Variants in SPTLC1 observed in about 807,000 individuals in gnomAD.
The protein encoded by SPTLC1 is serine palmitoyltransferase long chain base subunit 1, also known as serine palmitoyltransferase 1.
Under a neutral mutation model 68.9 loss-of-function variants are expected in SPTLC1, and 55 were observed. That is an observed-to-expected ratio of 0.80 (90% CI 0.64 to 1.00). The LOEUF is 1.00. Among genes scored for constraint, SPTLC1 ranks in the 50% least tolerant of loss-of-function variants. The probability of loss-of-function intolerance (pLI) is 0.00; values close to 1 mark genes in which losing one functional copy is unlikely to be tolerated. For synonymous variants in SPTLC1, 197 were observed against 201.6 expected (o/e 0.98, Z 0.19); for missense variants, 449 against 573.1 (o/e 0.78, Z 2.21).
At chr9:92,052,858 A>G (rs941416179) in intron 8 of SPTLC1, among the ~76,000 whole-genome samples, 3 of 152,108 alleles carry the variant, frequency 2.0e-5, no homozygotes, top group African/African-American at 4.8e-5. Flanking sequence ...TTAAAATAAA[A>G]CACAAAAGCA....
chr9:92,081,034 T>C lies in SPTLC1; in HGVS notation c.261-71A>G, dbSNP rs1587954983. On this transcript the variant is annotated intron_variant, in intron 3 of 14. Coordinates refer to ENST00000262554, the MANE Select transcript of SPTLC1 (RefSeq NM_006415.4). ...ACATGCTATCATATTACCTTGGTGG[T>C]AGGCACAACAACATAGTGTTGTCAT... is the stretch of plus-strand genomic sequence containing the variant. 6 of 1,176,398 alleles carry C rather than the reference T, an allele frequency of 5.1e-6. No individual in the cohort carries two copies. The East Asian group carries it at 1.4e-4, about 28-fold the overall frequency. The allele number at this position is 1,176,398 out of a possible 1,614,324, so 72.9% of individuals were successfully genotyped here.
At chr9:92,034,578 A>C (rs1207449644) in intron 14 of SPTLC1, among the ~76,000 whole-genome samples, 1 of 152,170 alleles carries the variant, frequency 6.6e-6, no homozygotes, top group Admixed American at 6.5e-5. Context: ...CTGGGCTCCC[A>C]GACATTTCTC....
intron 6 of SPTLC1, among the ~76,000 whole-genome samples, chr9:92,065,732 T>C (rs1416037272): frequency 6.6e-6 from 1 of 152,196 alleles, no homozygotes; most frequent in African/African-American, 2.4e-5. Context: ...GATGAGTCTT[T>C]CACATTATTT....
intron 4 of SPTLC1, 24 bp from the exon 5 acceptor site, chr9:92,080,112 A>ACTTTAAT: frequency 6.3e-7 from 1 of 1,585,522 alleles, no homozygotes; most frequent in East Asian, 2.2e-5. Context: ...CAAGAATTAT[A>ACTTTAAT]CTTTAATAAT....
chr9:92,046,104 T>A, intron 11 of SPTLC1, 51 bp from the exon 12 acceptor site: 1 of 1,452,242 alleles, frequency 6.9e-7, no homozygotes, highest in Non-Finnish European at 9.6e-7. Flanking sequence ...ATGATAGTAC[T>A]AACCTAAAAA....
intron 5 of SPTLC1, chr9:92,079,488 C>A (rs906224536): frequency 2.2e-5 from 36 of 1,612,106 alleles, no homozygotes; most frequent in Non-Finnish European, 2.9e-5. Context: ...TATTTGAAAT[C>A]ATACATTCAT....
At chr9:92,055,087 TG>T in intron 8 of SPTLC1, 1 of 272,186 alleles carries the variant, frequency 3.7e-6, no homozygotes, top group Non-Finnish European at 5.6e-6. Flanking sequence ...CAGCCAGGTG[TG>T]GTGGCATGTG....
chr9:92,082,278 T>C (rs540920723), intron 3 of SPTLC1, among the ~76,000 whole-genome samples: 23 of 152,222 alleles, frequency 1.5e-4, no homozygotes, highest in Admixed American at 1.2e-3. Context: ...TTAGGGTACA[T>C]GTGCACAATG....
chr9:92,062,586 C>T (rs1394263246), intron 6 of SPTLC1, among the ~76,000 whole-genome samples: 2 of 152,128 alleles, frequency 1.3e-5, no homozygotes, highest in African/African-American at 2.4e-5. Context: ...AAATAGACTA[C>T]CGTATTAGCC....
chr9:92,104,641 G>A lies in SPTLC1; in HGVS notation c.260+4099C>T, dbSNP rs73653034. The stretch of plus-strand genomic sequence containing the variant: ...AGCAGGTGATCCCAGCCAGGCTCCC[G>A]AAGATGGAGGTGAGGGCAGAAGAGC... On this transcript the variant is annotated intron_variant, in intron 3 of 14. Transcript: ENST00000262554. The A allele has an allele frequency of 3.9e-3, 5,928 of 1,501,206 alleles. 182 individuals are homozygous for A. The African/African-American group carries it at 0.067, about 17-fold the overall frequency. 93.0% of individuals were successfully genotyped at this position (1,501,206 alleles called of 1,614,324 possible). A position where few individuals can be genotyped will look rare whatever the true frequency, so the allele number is the denominator to read the frequency against.
intron 13 of SPTLC1, among the ~76,000 whole-genome samples, chr9:92,037,422 TA>T (rs776159720): frequency 1.3e-5 from 2 of 152,194 alleles, no homozygotes; most frequent in Non-Finnish European, 2.9e-5. Flanking sequence ...GCAGCCCACA[TA>T]AAAGTCCAGA....
intron 3 of SPTLC1, among the ~76,000 whole-genome samples, chr9:92,094,912 T>A (rs1049227546): frequency 6.6e-6 from 1 of 152,188 alleles, no homozygotes; most frequent in Non-Finnish European, 1.5e-5. Context: ...GACAACCATG[T>A]CACAAACTAC....
chr9:92,047,619 G>C lies in SPTLC1; in HGVS notation c.978C>G (p.Asp326Glu). 6.2e-7 allele frequency: 1 copy of C among 1,609,876 alleles called. No homozygotes were observed. The highest frequency in any genetic ancestry group is 1.1e-5 in the South Asian group (1 of 90,920). ...GFCCGRSFVIDHQRLSGQGYC... is the reference protein window; with the variant it reads ...GFCCGRSFVIEHQRLSGQGYC... Reference sequence around the variant, plus strand: ...GTTTTTAAAAAGAACCCACCTGATGGTCAATTACAAAAGACCTGCCACAGC... The same window carrying C: ...GTTTTTAAAAAGAACCCACCTGATGCTCAATTACAAAAGACCTGCCACAGC... The change falls in exon 10 of 15, where the codon GAC (aspartate) becomes GAG (glutamate). Residue 326 changes from aspartate to glutamate, a missense_variant. Coordinates refer to ENST00000262554, the MANE Select transcript of SPTLC1 (RefSeq NM_006415.4).
At chr9:92,107,490 C>T (rs578016852) in intron 3 of SPTLC1, among the ~76,000 whole-genome samples, 231 of 152,364 alleles carry the variant, frequency 1.5e-3, no homozygotes, top group African/African-American at 4.7e-3. Context: ...CGGCGGCTCA[C>T]GCCTGTAATC....
intron 3 of SPTLC1, among the ~76,000 whole-genome samples, chr9:92,102,199 TTAAAGA>T: frequency 6.6e-6 from 1 of 152,244 alleles, no homozygotes; most frequent in East Asian, 1.9e-4. Flanking sequence ...CCATCAGAAA[TTAAAGA>T]AATAAAGTCT....
rs1222832123 is a variant in SPTLC1, at chr9:92,032,373, C to T, written c.*92G>A. The T allele has an allele frequency of 6.2e-7, 1 of 1,601,260 alleles. No homozygotes were observed. Among genetic ancestry groups the T allele is most frequent in the African/African-American group, 1.3e-5 (1 of 74,590 alleles). On this transcript the variant is annotated 3_prime_UTR_variant, in exon 15 of 15. Coordinates refer to ENST00000262554, the MANE Select transcript of SPTLC1 (RefSeq NM_006415.4). ...CAATCCTATCAAAGATCCACATGTT[C>T]TTGCTCTCTTTCAGGCCACTCCATG...
At position 92,047,380 on chromosome 9, in the gene SPTLC1, G is replaced by A. The variant is rs1833553030; in HGVS notation, c.985-112C>T. ...CTGAACAGTGTGTACATGTGGTGAG[G>A]GGGGTAAGATCCAGCCATAAATAAA... is the stretch of plus-strand genomic sequence containing the variant. On this transcript the variant is annotated intron_variant, in intron 10 of 14. Transcript: ENST00000262554. The A allele has an allele frequency of 1.3e-5, 12 of 913,696 alleles. No homozygotes were observed. The Admixed American group carries it at 2.0e-4, about 15-fold the overall frequency. 56.6% of individuals were successfully genotyped at this position (913,696 alleles called of 1,614,324 possible). A position where few individuals can be genotyped will look rare whatever the true frequency, so the allele number is the denominator to read the frequency against.
At chr9:92,050,360 C>G in intron 8 of SPTLC1, 1 of 355,004 alleles carries the variant, frequency 2.8e-6, no homozygotes. Context: ...CTGTGAACAA[C>G]TACCCTTTTC....
chr9:92,037,834 G>A (rs977380663), intron 13 of SPTLC1, among the ~76,000 whole-genome samples: 2 of 152,228 alleles, frequency 1.3e-5, no homozygotes, highest in South Asian at 2.1e-4. Context: ...GCTGTGCTGC[G>A]GGGACAGCCA....
Sources: gnomAD v4.1 joint callset for allele counts (sites outside exome capture counted in the v4.1 genomes callset) on GRCh38, gnomAD v4.1.1 for gene constraint, MANE v1.5 for transcripts, NCBI Gene and HGNC (gene_info 2026-07-23, HGNC 2026-07-21) for gene names.